The following ARPP21 variants were observed in gnomAD, a reference collection of about 807,000 sequenced individuals.
The protein encoded by ARPP21 is cAMP regulated phosphoprotein 21.
ARPP21 carries 69 observed loss-of-function variants against 113.2 expected under a neutral mutation model. That is an observed-to-expected ratio of 0.61 (90% CI 0.50 to 0.74). The LOEUF (loss-of-function observed/expected upper bound fraction) is 0.74, where lower values mean the gene tolerates loss of function less well. Among genes scored for constraint, ARPP21 ranks in the 30% least tolerant of loss-of-function variants. The pLI is 0.00. For missense variants in ARPP21, 1,070 were observed against 1,037.4 expected, an observed-to-expected ratio of 1.03 and a Z score of -0.43; for synonymous variants, 368 against 375.5, an observed-to-expected ratio of 0.98 and a Z score of 0.23.
chr3:35,704,711 C>G (rs1231081301), intron 9 of ARPP21, among the ~76,000 whole-genome samples: 1 of 151,786 alleles, frequency 6.6e-6, no homozygotes, highest in Non-Finnish European at 1.5e-5. Context: ...TAATCTGTCC[C>G]TGAATTATAG....
chr3:35,737,333 C>T lies in ARPP21; in HGVS notation c.1615C>T (p.Pro539Ser), dbSNP rs1364180186. 1 of 1,611,394 alleles carries T rather than the reference C, an allele frequency of 6.2e-7. No individual in the cohort carries two copies. The highest frequency in any genetic ancestry group is 1.7e-5 in the Admixed American group (1 of 59,836). ...QPQQQVQPPQ[P>S]QMAGPLVTQS... Reference sequence around the variant, plus strand: ...CCAACAGCAGGTCCAGCCACCGCAGCCACAGATGGCAGGCCCTCTGGTCAC... The same window carrying T: ...CCAACAGCAGGTCCAGCCACCGCAGTCACAGATGGCAGGCCCTCTGGTCAC... Residue 539 changes from proline (P) to serine (S), a missense_variant, in exon 16 of 21, where the codon CCA (proline) becomes TCA (serine). Coordinates refer to ENST00000684406, the MANE Select transcript of ARPP21 (RefSeq NM_001385562.1).
At chr3:35,769,641 G>A (rs2096123574) in intron 19 of ARPP21, among the ~76,000 whole-genome samples, 8 of 152,150 alleles carry the variant, frequency 5.3e-5, no homozygotes, top group Admixed American at 5.2e-4. Context: ...TCATTGCAAA[G>A]AATAATAATT....
intron 9 of ARPP21, among the ~76,000 whole-genome samples, chr3:35,697,050 C>T (rs1243174354): frequency 1.3e-5 from 2 of 151,530 alleles, no homozygotes; most frequent in East Asian, 3.9e-4. Context: ...TTCCAAAAAG[C>T]CAAGATCAGC....
At chr3:35,739,602 G>A in intron 18 of ARPP21, 25 bp downstream of exon 18, 1 of 1,581,364 alleles carries the variant, frequency 6.3e-7, no homozygotes. Context: ...TCATGCCTGT[G>A]ACCTACAGCT....
chr3:35,697,547 A>G (rs1197390259), intron 9 of ARPP21, among the ~76,000 whole-genome samples: 1 of 151,640 alleles, frequency 6.6e-6, no homozygotes, highest in Non-Finnish European at 1.5e-5. Context: ...AGATAGAGCA[A>G]TGGAAACCAA....
intron 1 of ARPP21, chr3:35,651,795 C>G (rs898959285): frequency 6.6e-6 from 1 of 151,978 alleles, no homozygotes; most frequent in Non-Finnish European, 1.5e-5. Context: ...ATTGCATAGG[C>G]CTCACATAAT....
At chr3:35,769,133 T>A (rs1458750986) in intron 19 of ARPP21, among the ~76,000 whole-genome samples, 1 of 152,180 alleles carries the variant, frequency 6.6e-6, no homozygotes, top group African/African-American at 2.4e-5. Flanking sequence ...ATTATATACC[T>A]ATATCTTGAG....
At chr3:35,654,267 A>G (rs1423293389) in intron 1 of ARPP21, among the ~76,000 whole-genome samples, 2 of 152,030 alleles carry the variant, frequency 1.3e-5, no homozygotes, top group Non-Finnish European at 2.9e-5. Flanking sequence ...ATGGATTCAC[A>G]TGGTTTGAGC....
intron 1 of ARPP21, among the ~76,000 whole-genome samples, chr3:35,667,965 A>T (rs975237653): frequency 1.9e-5 from 2 of 105,438 alleles, no homozygotes; most frequent in Non-Finnish European, 4.1e-5. Context: ...AAGAAGAAGA[A>T]GAAGAAGAAG....
chr3:35,692,866 G>A (rs2082644820), intron 9 of ARPP21, among the ~76,000 whole-genome samples: 1 of 151,660 alleles, frequency 6.6e-6, no homozygotes, highest in Non-Finnish European at 1.5e-5. Flanking sequence ...ATTGGATAGA[G>A]CAGATATGGA....
chr3:35,675,427 C>CA (rs533578407), intron 1 of ARPP21, among the ~76,000 whole-genome samples: 4 of 151,528 alleles, frequency 2.6e-5, no homozygotes, highest in East Asian at 3.9e-4. Context: ...TGATTTTGGT[C>CA]AAAAAAACCC....
At chr3:35,705,870 A>T (rs1368989429) in intron 9 of ARPP21, among the ~76,000 whole-genome samples, 1 of 152,180 alleles carries the variant, frequency 6.6e-6, no homozygotes, top group Non-Finnish European at 1.5e-5. Flanking sequence ...CACGTATTTA[A>T]GGAAAGAAAA....
chr3:35,678,400 T>A (rs982341498), intron 1 of ARPP21, among the ~76,000 whole-genome samples: 5 of 151,978 alleles, frequency 3.3e-5, no homozygotes, highest in African/African-American at 1.2e-4. Flanking sequence ...AGTTAAATAG[T>A]TTCTAATTTT....
chr3:35,648,156 C>T (rs1700976408), intron 1 of ARPP21, among the ~76,000 whole-genome samples: 1 of 152,118 alleles, frequency 6.6e-6, no homozygotes, highest in Non-Finnish European at 1.5e-5. Context: ...AAGGTAGTAA[C>T]TAATCTCAGA....
chr3:35,708,270 T>C (rs1182769837), intron 10 of ARPP21, among the ~76,000 whole-genome samples: 1 of 152,158 alleles, frequency 6.6e-6, no homozygotes, highest in Non-Finnish European at 1.5e-5. Context: ...ATGCAGGAAG[T>C]AGTCAGAAAA....
intron 19 of ARPP21, among the ~76,000 whole-genome samples, chr3:35,791,636 G>A (rs1337949280): frequency 6.6e-6 from 1 of 151,806 alleles, no homozygotes; most frequent in Non-Finnish European, 1.5e-5. Context: ...GACAAATGAA[G>A]GCTAACAAAC....
chr3:35,678,184 G>T (rs146842637), intron 1 of ARPP21, among the ~76,000 whole-genome samples: 168 of 151,992 alleles, frequency 1.1e-3, no homozygotes, highest in African/African-American at 3.8e-3. Flanking sequence ...CTGGAATAAT[G>T]CATCTAAGAC....
At chr3:35,648,209 A>G (rs557669813) in intron 1 of ARPP21, among the ~76,000 whole-genome samples, 45 of 152,164 alleles carry the variant, frequency 3.0e-4, no homozygotes, top group Non-Finnish European at 4.6e-4. Context: ...CAAGGCCATA[A>G]TCTTCTGCCA....
chr3:35,789,853 T>G (rs2096712444), intron 19 of ARPP21, among the ~76,000 whole-genome samples: 1 of 152,214 alleles, frequency 6.6e-6, no homozygotes, highest in South Asian at 2.1e-4. Flanking sequence ...CTGAATGTCT[T>G]AACAGCTCTA....
Sources: gnomAD v4.1 joint callset for allele counts (sites outside exome capture counted in the v4.1 genomes callset) on GRCh38, gnomAD v4.1.1 for gene constraint, MANE v1.5 for transcripts, NCBI Gene and HGNC (gene_info 2026-07-23, HGNC 2026-07-21) for gene names.